COL4A4: variants seen among roughly 807,000 people sequenced by gnomAD.
COL4A4 encodes the protein collagen alpha-4(IV) chain.
COL4A4 carries 105 observed loss-of-function variants against 192.9 expected under a neutral mutation model. The observed-to-expected ratio is 0.54, with a 90% confidence interval of 0.46 to 0.64. COL4A4 has a LOEUF of 0.64. COL4A4 is among the 30% of genes least tolerant of loss of function. The pLI is 0.00. For missense variants in COL4A4, 1,967 were observed against 2,169.3 expected (o/e 0.91, Z 1.85); for synonymous variants, 762 against 769.9 (o/e 0.99, Z 0.17).
Position 227,007,453 on chromosome 2 carries a change from T to C in COL4A4, c.4945A>G (p.Ser1649Gly), listed in dbSNP as rs192411379. Reference sequence around the variant, plus strand: ...GCTTTCACCGTTGTGAGCCAGAAGCTATACTTATTTGCGAAAAAGTGGCAA... The same window carrying C: ...GCTTTCACCGTTGTGAGCCAGAAGCCATACTTATTTGCGAAAAAGTGGCAA... ...GTCHFFANKY[S>G]FWLTTVKADL... The change falls in exon 48 of 48, where the codon AGC (serine) becomes GGC (glycine). Residue 1649 changes from serine to glycine, a missense_variant. By Grantham distance (56) the Ser-to-Gly change is moderately conservative. Coordinates refer to ENST00000396625, the MANE Select transcript of COL4A4 (RefSeq NM_000092.5). 2.1e-5 allele frequency: 34 copies of C among 1,614,228 alleles called. No individual in the cohort carries two copies. In the East Asian group the frequency reaches 3.6e-4, roughly 17 times the overall value.
chr2:227,010,377 C>T lies in COL4A4; in HGVS notation c.4458G>A (p.Arg1486=). 4 of 1,614,210 alleles carry T rather than the reference C, an allele frequency of 2.5e-6. No homozygotes were observed. Among genetic ancestry groups the T allele is most frequent in the Non-Finnish European group, 2.5e-6 (3 of 1,180,022 alleles). ...QEPTCPLGMP[R]LWTGYSLLYL... ...ATAACAGACTATACCCAGTCCAGAG[C>T]CTGGGCATGCCCAGGGGGCAGGTGG... Residue 1486 remains arginine, a synonymous_variant, in exon 46 of 48, where the codon AGG becomes AGA. Coordinates refer to ENST00000396625, the MANE Select transcript of COL4A4 (RefSeq NM_000092.5).
chr2:227,103,847 TA>T lies in COL4A4; in HGVS notation c.816+124del, dbSNP rs375974718. The stretch of plus-strand genomic sequence containing the variant: ...GGGGCCAACAGTAGTACCAACTTAT[TA>T]AAGTAGGTTTGAAACTAGTGCAGTG... On this transcript the variant is annotated intron_variant, in intron 13 of 47. Transcript: ENST00000396625. The T allele has an allele frequency of 1.2e-3, 896 of 754,710 alleles. 6 individuals carry two copies. In the African/African-American group the frequency reaches 0.013, roughly 11 times the overall value. The allele number at this position is 754,710 out of a possible 1,614,324, so 46.8% of individuals were successfully genotyped here. A position where few individuals can be genotyped will look rare whatever the true frequency, so the allele number is the denominator to read the frequency against.
chr2:226,990,912 G>A, the COL4A4 span, among the ~76,000 whole-genome samples: 99 of 152,200 alleles, frequency 6.5e-4, no homozygotes, highest in African/African-American at 2.2e-3. Flanking sequence ...GAGCAGGGCC[G>A]TTTCACCCAG....
Position 227,005,252 on chromosome 2 carries a change from A to G in COL4A4, c.*2073T>C, listed in dbSNP as rs1004717558. On this transcript the variant is annotated 3_prime_UTR_variant, in exon 48 of 48. Transcript: ENST00000396625. Reference sequence around the variant, plus strand: ...TAACTTATGAAGATAATATTCTAATACCAACATTAAAGTGTTTAAAATAAT... The same window carrying G: ...TAACTTATGAAGATAATATTCTAATGCCAACATTAAAGTGTTTAAAATAAT... 4 of 151,944 alleles carry G rather than the reference A, an allele frequency of 2.6e-5. No individual in the cohort carries two copies. Among genetic ancestry groups the G allele is most frequent in the Admixed American group, 2.6e-4 (4 of 15,262 alleles). The allele number at this position is 151,944 out of a possible 1,614,324, so 9.4% of individuals were successfully genotyped here. A position where few individuals can be genotyped will look rare whatever the true frequency, so the allele number is the denominator to read the frequency against.
the COL4A4 span, among the ~76,000 whole-genome samples, chr2:226,983,396 TG>T: frequency 6.6e-6 from 1 of 152,164 alleles, no homozygotes; most frequent in African/African-American, 2.4e-5. Context: ...GCCAGTTATG[TG>T]GTTCACTTTA....
At chr2:227,112,780 A>C (rs2061289547) in intron 8 of COL4A4, among the ~76,000 whole-genome samples, 1 of 152,246 alleles carries the variant, frequency 6.6e-6, no homozygotes, top group Admixed American at 6.5e-5. Context: ...CATCTGTATG[A>C]ATTTGACTAT....
At chr2:227,033,582 G>A (rs550336546) in intron 37 of COL4A4, 101 bp from the exon 38 acceptor site, 3 of 1,002,892 alleles carry the variant, frequency 3.0e-6, no homozygotes, top group South Asian at 2.6e-5. Flanking sequence ...GCGTTGCTGG[G>A]GCCAGCAAAC....
At chr2:227,090,689 T>C (rs1184941425) in intron 20 of COL4A4, among the ~76,000 whole-genome samples, 1 of 151,312 alleles carries the variant, frequency 6.6e-6, no homozygotes, top group Non-Finnish European at 1.5e-5. Flanking sequence ...GAGGCAGAGG[T>C]TGCAGTGAGC....
intron 25 of COL4A4, among the ~76,000 whole-genome samples, chr2:227,066,843 C>T (rs2058371659): frequency 6.6e-6 from 1 of 151,794 alleles, no homozygotes; most frequent in Non-Finnish European, 1.5e-5. Context: ...ATCATCATGA[C>T]AGGATCAAAT....
At chr2:227,098,611 A>T (rs530489824) in intron 19 of COL4A4, 83 bp downstream of exon 19, 1 of 1,028,042 alleles carries the variant, frequency 9.7e-7, no homozygotes, top group Admixed American at 1.8e-5. Flanking sequence ...TTCCAATATC[A>T]GCTACAGTTG....
At chr2:227,060,906 T>C (rs1484572896) in intron 26 of COL4A4, among the ~76,000 whole-genome samples, 1 of 152,014 alleles carries the variant, frequency 6.6e-6, no homozygotes, top group Non-Finnish European at 1.5e-5. Context: ...TTTTTATGTT[T>C]TTAGTAGAGA....
intron 25 of COL4A4, among the ~76,000 whole-genome samples, chr2:227,063,807 C>G (rs148401849): frequency 0.011 from 1,701 of 151,592 alleles, 12 homozygotes; most frequent in Non-Finnish European, 0.018. Context: ...AAAAATAATT[C>G]TATACTTTGA....
chr2:227,105,574 T>C (rs1470338292), intron 12 of COL4A4, among the ~76,000 whole-genome samples: 1 of 152,232 alleles, frequency 6.6e-6, no homozygotes, highest in Non-Finnish European at 1.5e-5. Flanking sequence ...CCAAAATTTT[T>C]ATTTATGCCA....
chr2:227,024,457 G>A (rs931768569), intron 43 of COL4A4, among the ~76,000 whole-genome samples: 2 of 151,904 alleles, frequency 1.3e-5, no homozygotes, highest in African/African-American at 2.4e-5. Context: ...TGGTGGAATC[G>A]CCAGCCTGGG....
chr2:227,011,543 G>A (rs568498527), intron 45 of COL4A4, among the ~76,000 whole-genome samples: 7 of 152,194 alleles, frequency 4.6e-5, no homozygotes, highest in Admixed American at 2.6e-4. Context: ...ACAGGAGTTT[G>A]CATCCCTGGC....
chr2:227,059,348 A>T (rs1976291846), intron 28 of COL4A4, 57 bp downstream of exon 28: 1 of 1,378,880 alleles, frequency 7.3e-7, no homozygotes, highest in African/African-American at 1.4e-5. Context: ...TTCTTCAGTG[A>T]CCTGTTCCAA....
chr2:227,125,963 T>C (rs937232065), intron 4 of COL4A4, among the ~76,000 whole-genome samples: 5 of 152,108 alleles, frequency 3.3e-5, no homozygotes, highest in South Asian at 2.1e-4. Flanking sequence ...ACAAACTCTT[T>C]ATAAAATAAT....
At position 227,098,944 on chromosome 2, in the gene COL4A4, A is replaced by T. The variant is rs138209696; in HGVS notation, c.1100-146T>A. The T allele has an allele frequency of 2.3e-4, 153 of 678,720 alleles. No homozygotes were observed. In the African/African-American group the frequency reaches 2.3e-3, roughly 10 times the overall value. 42.0% of individuals were successfully genotyped at this position (678,720 alleles called of 1,614,324 possible). A position where few individuals can be genotyped will look rare whatever the true frequency, so the allele number is the denominator to read the frequency against. ...ATTACATTTAAAACGAAATATCTTA[A>T]ATGTGAACCGCCTTGGCTGTGCCTC... On this transcript the variant is annotated intron_variant, in intron 18 of 47. Transcript: ENST00000396625.
chr2:227,082,248 T>C (rs2059365122), intron 22 of COL4A4, 61 bp from the exon 23 acceptor site: 4 of 1,323,348 alleles, frequency 3.0e-6, no homozygotes, highest in Non-Finnish European at 4.4e-6. Flanking sequence ...GTTACATCTG[T>C]ACATATTGAA....
Sources: gnomAD v4.1 joint callset for allele counts (sites outside exome capture counted in the v4.1 genomes callset) on GRCh38, gnomAD v4.1.1 for gene constraint, MANE v1.5 for transcripts, NCBI Gene and HGNC (gene_info 2026-07-23, HGNC 2026-07-21) for gene names.